The following ZFP64 variants were observed in gnomAD, a reference collection of about 807,000 sequenced individuals.
ZFP64 encodes the protein zinc finger protein 64.
Under a neutral mutation model 51.6 loss-of-function variants are expected in ZFP64, and 14 were observed. That is an observed-to-expected ratio of 0.27 (90% CI 0.18 to 0.42). The LOEUF is 0.42. Among genes scored for constraint, ZFP64 ranks in the 10% least tolerant of loss-of-function variants. ZFP64 has a pLI of 1.00. For missense variants in ZFP64, 754 were observed against 906.8 expected, an observed-to-expected ratio of 0.83 and a Z score of 2.16; for synonymous variants, 375 against 361.4, an observed-to-expected ratio of 1.04 and a Z score of -0.43.
intron 5 of ZFP64, among the ~76,000 whole-genome samples, chr20:52,112,680 T>C (rs554423362): frequency 1.3e-5 from 2 of 151,928 alleles, no homozygotes; most frequent in Admixed American, 1.3e-4. Context: ...AGTGGCGTGA[T>C]GTTGGCTCAC....
At chr20:52,164,132 G>A (rs2123023252) in intron 4 of ZFP64, among the ~76,000 whole-genome samples, 1 of 152,238 alleles carries the variant, frequency 6.6e-6, no homozygotes, top group East Asian at 1.9e-4. Context: ...GCAACATGGT[G>A]AGACCCCACT....
At chr20:52,088,342 A>G (rs1442747730) in intron 8 of ZFP64, 2 of 1,597,598 alleles carry the variant, frequency 1.3e-6, no homozygotes, top group African/African-American at 2.7e-5. Context: ...ATGAAGGTTA[A>G]GAAATTAGAG....
intron 5 of ZFP64, among the ~76,000 whole-genome samples, chr20:52,113,910 G>A (rs931971276): frequency 1.3e-5 from 2 of 152,104 alleles, no homozygotes; most frequent in East Asian, 1.9e-4. Context: ...TAGTGTGATC[G>A]GGAGTGACTG....
Position 52,152,476 on chromosome 20 carries a change from G to A in ZFP64, c.1716C>T (p.Thr572=), listed in dbSNP as rs1384710305. 1 of 1,612,832 alleles carries A rather than the reference G, an allele frequency of 6.2e-7. No individual in the cohort carries two copies. The highest frequency in any genetic ancestry group is 1.7e-5 in the Admixed American group (1 of 60,008). Residue 572 remains threonine (T), a synonymous_variant, in exon 6 of 6, where the codon ACC becomes ACT. Coordinates refer to ENST00000216923, the MANE Select transcript of ZFP64 (RefSeq NM_018197.3). ...GAMTQPAVLL[T]THEQTDGATL... Reference sequence around the variant, plus strand: ...TGGCTCCGTCCGTCTGCTCGTGGGTGGTCAGCAGGACAGCCGGCTGGGTCA... The same window carrying A: ...TGGCTCCGTCCGTCTGCTCGTGGGTAGTCAGCAGGACAGCCGGCTGGGTCA...
intron 5 of ZFP64, among the ~76,000 whole-genome samples, chr20:52,107,083 T>C (rs928468543): frequency 6.7e-6 from 1 of 148,798 alleles, no homozygotes; most frequent in Non-Finnish European, 1.5e-5. Context: ...TGAGACTCCA[T>C]CTCAAACAAA....
At chr20:52,142,386 A>ACACACACACGCG (rs1555804636) in intron 5 of ZFP64, among the ~76,000 whole-genome samples, 2 of 141,868 alleles carry the variant, frequency 1.4e-5, no homozygotes, top group East Asian at 4.0e-4. Flanking sequence ...AGACACACAC[A>ACACACACACGCG]CACACACACA....
At chr20:52,113,395 A>C (rs1978697597) in intron 5 of ZFP64, among the ~76,000 whole-genome samples, 1 of 144,546 alleles carries the variant, frequency 6.9e-6, no homozygotes, top group Admixed American at 6.9e-5. Context: ...TTTATTGATC[A>C]TTACCCTTGT....
chr20:52,187,003 G>C lies in ZFP64; in HGVS notation c.115C>G (p.Gln39Glu). The C allele has an allele frequency of 2.5e-6, 4 of 1,613,976 alleles. No homozygotes were observed. Among genetic ancestry groups the C allele is most frequent in the Non-Finnish European group, 3.4e-6 (4 of 1,179,836 alleles). Residue 39 changes from glutamine (Q) to glutamate (E), a missense_variant, in exon 2 of 6, where the codon CAG (glutamine) becomes GAG (glutamate). Transcript: ENST00000216923. ...ACAAAGGCATCCAGGTTGTTAAACT[G>C]CTGCTTGCAGATGCCGCAGATATGG... is the stretch of plus-strand genomic sequence containing the variant. ...DIHICGICKQ[Q>E]FNNLDAFVAH... is the part of the protein sequence containing the mutation.
rs1984022736 is a variant in ZFP64, at chr20:52,187,054, C to T, written c.64G>A (p.Val22Met). Residue 22 changes from valine to methionine, a missense_variant, in exon 2 of 6, where the codon GTG becomes ATG. Physicochemically the swap from Val to Met is conservative, Grantham distance 21. This residue lies in a region of ZFP64 where 95 missense variants were observed against 97.7 expected (regional missense o/e 0.97). Coordinates refer to ENST00000216923, the MANE Select transcript of ZFP64 (RefSeq NM_018197.3). Reference protein sequence around the residue: ...GSVQIPGGTTVLVELTPDIHI... With the variant: ...GSVQIPGGTTMLVELTPDIHI... ...ATGTCGGGAGTCAGCTCCACCAGCA[C>T]CGTTGTGCCACCTGGAACTCCATGG... The T allele has an allele frequency of 1.2e-6, 2 of 1,608,618 alleles. No individual in the cohort carries two copies. Among genetic ancestry groups the T allele is most frequent in the African/African-American group, 1.3e-5 (1 of 74,834 alleles).
In ZFP64 at chr20:52,191,777, T is replaced by G; in HGVS notation, c.-141A>C. The G allele has an allele frequency of 9.2e-7, 1 of 1,090,788 alleles. No individual in the cohort carries two copies. The highest frequency in any genetic ancestry group is 1.2e-6 in the Non-Finnish European group (1 of 817,828). The allele number at this position is 1,090,788 out of a possible 1,614,324, so 67.6% of individuals were successfully genotyped here. ...AACTCTGCGAGGCGGGGAGGACGGA[T>G]GTAAAGCAAGCTGCACTTCCGCTGC... On this transcript the variant is annotated 5_prime_UTR_variant, in exon 1 of 6. Transcript: ENST00000216923. The surrounding 1 kb of genome is among the most constrained non-coding windows in gnomAD (Gnocchi z 4.3).
Position 52,153,377 on chromosome 20 carries a change from G to A in ZFP64, c.815C>T (p.Ser272Leu). 6.2e-7 allele frequency: 1 copy of A among 1,614,164 alleles called. No homozygotes were observed. Among genetic ancestry groups the A allele is most frequent in the African/African-American group, 1.3e-5 (1 of 75,048 alleles). ...WLCSAKFKIS[S>L]DLKRHMRVHS... Reference sequence around the variant, plus strand: ...CACCCGCATGTGCCTTTTCAAGTCCGAGCTGATTTTGAACTTGGCGCTACA... The same window carrying A: ...CACCCGCATGTGCCTTTTCAAGTCCAAGCTGATTTTGAACTTGGCGCTACA... Residue 272 changes from serine (S) to leucine (L), a missense_variant, in exon 6 of 6, where the codon TCG becomes TTG. Coordinates refer to ENST00000216923, the MANE Select transcript of ZFP64 (RefSeq NM_018197.3). The surrounding 1 kb of genome is among the most constrained non-coding windows in gnomAD (Gnocchi z 5.1).
At chr20:52,088,826 G>A in intron 7 of ZFP64, 4 of 783,766 alleles carry the variant, frequency 5.1e-6, no homozygotes, top group Admixed American at 5.1e-5. Flanking sequence ...TTCATTGATA[G>A]TTCAGAAATC....
rs1375840030 is a variant in ZFP64 at position 52,186,867 on chromosome 20, G to T, written c.251C>A (p.Thr84Asn). Residue 84 changes from threonine to asparagine, a missense_variant, in exon 2 of 6, where the codon ACC becomes AAC. Physicochemically the swap from Thr to Asn is moderately conservative, Grantham distance 65. Coordinates refer to ENST00000216923, the MANE Select transcript of ZFP64 (RefSeq NM_018197.3). ...TVPATQTQTT[T>N]RTITSETQTI... Reference sequence around the variant, plus strand: ...CTGGGTCTCCGAGGTGATGGTTCTGGTGGTGGTCTGAGTCTGGGTGGCAGG... The same window carrying T: ...CTGGGTCTCCGAGGTGATGGTTCTGTTGGTGGTCTGAGTCTGGGTGGCAGG... The T allele has an allele frequency of 6.2e-7, 1 of 1,613,122 alleles. No individual in the cohort carries two copies. Among genetic ancestry groups the T allele is most frequent in the Admixed American group, 1.7e-5 (1 of 59,994 alleles).
intron 5 of ZFP64, among the ~76,000 whole-genome samples, chr20:52,118,566 C>G (rs62216890): frequency 2.0e-5 from 3 of 152,182 alleles, no homozygotes; most frequent in Admixed American, 1.3e-4. Flanking sequence ...ATGCCACAGT[C>G]GGCCTGCCTG....
chr20:52,105,591 T>G (rs1317530911), intron 5 of ZFP64: 11 of 190,400 alleles, frequency 5.8e-5, no homozygotes, highest in South Asian at 1.9e-4. Flanking sequence ...CGTGTCTGCA[T>G]TTTAACGAGA....
chr20:52,152,492 G>A lies in ZFP64; in HGVS notation c.1700C>T (p.Pro567Leu). The change falls in exon 6 of 6, where the codon CCG becomes CTG. Residue 567 changes from proline to leucine, a missense_variant. By Grantham distance (98) the Pro-to-Leu change is moderately conservative (BLOSUM62 -3). This residue lies in a region of ZFP64 where 428 missense variants were observed against 472.4 expected (regional missense o/e 0.91). Coordinates refer to ENST00000216923, the MANE Select transcript of ZFP64 (RefSeq NM_018197.3). ...CPSEAGAMTQ[P>L]AVLLTTHEQT... is the part of the protein sequence containing the mutation. Reference sequence around the variant, plus strand: ...CTCGTGGGTGGTCAGCAGGACAGCCGGCTGGGTCATTGCGCCCGCCTCGCT... The same window carrying A: ...CTCGTGGGTGGTCAGCAGGACAGCCAGCTGGGTCATTGCGCCCGCCTCGCT... The A allele has an allele frequency of 6.2e-7, 1 of 1,610,680 alleles. No homozygotes were observed. Among genetic ancestry groups the A allele is most frequent in the Non-Finnish European group, 8.5e-7 (1 of 1,178,546 alleles).
intron 5 of ZFP64, among the ~76,000 whole-genome samples, chr20:52,123,084 G>C (rs189244493): frequency 2.2e-4 from 34 of 152,126 alleles, no homozygotes; most frequent in African/African-American, 7.7e-4. Flanking sequence ...TCCACCTCCT[G>C]GGTTCAGGTG....
chr20:52,169,674 GATGTATA>G (rs1190711314), intron 2 of ZFP64, among the ~76,000 whole-genome samples: 1 of 152,116 alleles, frequency 6.6e-6, no homozygotes, highest in Non-Finnish European at 1.5e-5. Flanking sequence ...CCCCTTCTCA[GATGTATA>G]ATTTGCAAAT....
rs117206339 is a variant in ZFP64, at chr20:52,166,868, T to G, written c.287-843A>C. Among the ~76,000 whole-genome samples, 201 of 152,184 alleles carry G rather than the reference T, an allele frequency of 1.3e-3. 1 individual carries two copies. In the East Asian group the frequency reaches 0.025, roughly 19 times the overall value. Reference sequence around the variant, plus strand: ...CATAAGCTATATGACAAAATCCTAATGAAACACCAAAAAGGAACGATAGAA... The same window carrying G: ...CATAAGCTATATGACAAAATCCTAAGGAAACACCAAAAAGGAACGATAGAA... On this transcript the variant is annotated intron_variant, in intron 2 of 5. Coordinates refer to ENST00000216923, the MANE Select transcript of ZFP64 (RefSeq NM_018197.3).
Sources: gnomAD v4.1 joint callset for allele counts (sites outside exome capture counted in the v4.1 genomes callset) on GRCh38, gnomAD v4.1.1 for gene constraint, gnomAD v4.1.1 regional missense constraint, Gnocchi (gnomAD v3.1) non-coding constraint, MANE v1.5 for transcripts, NCBI Gene and HGNC (gene_info 2026-07-23, HGNC 2026-07-21) for gene names.